RIMS2: variants seen among roughly 807,000 people sequenced by gnomAD.
RIMS2 encodes the protein regulating synaptic membrane exocytosis protein 2.
A neutral mutation model predicts 174.4 loss-of-function variants in RIMS2; 59 were observed. That is an observed-to-expected ratio of 0.34 (90% CI 0.27 to 0.42). The LOEUF (loss-of-function observed/expected upper bound fraction) is 0.42. Ranked by LOEUF, RIMS2 falls within the 10% of genes least tolerant of loss-of-function variation. The pLI is 1.00. For synonymous variants in RIMS2, 606 were observed against 572.5 expected (o/e 1.06, Z -0.84); for missense variants, 1,620 against 1,666.3 (o/e 0.97, Z 0.48).
chr8:103,551,281 A>G (rs1256892588), intron 1 of RIMS2, among the ~76,000 whole-genome samples: 2 of 152,244 alleles, frequency 1.3e-5, no homozygotes, highest in Non-Finnish European at 2.9e-5. Flanking sequence ...CCTGTGATGC[A>G]AGGCTGGTTC....
At position 103,691,996 on chromosome 8, in the gene RIMS2, A is replaced by G. The variant is rs542223770; in HGVS notation, c.177-5090A>G. ...GGTAAAATCTGGAAGAATTCTCTGG[A>G]TTGCTAGGCAGAGACTCTTGTTCTC... On this transcript the variant is annotated intron_variant, in intron 1 of 23. Transcript: ENST00000504942. Among the ~76,000 whole-genome samples, 4 of 152,252 alleles carry G rather than the reference A, an allele frequency of 2.6e-5. No homozygotes were observed. The East Asian group carries it at 7.7e-4, about 29-fold the overall frequency.
At chr8:103,697,438 ATGG>A in intron 2 of RIMS2, 142 bp downstream of exon 4, 1 of 709,646 alleles carries the variant, frequency 1.4e-6, no homozygotes, top group African/African-American at 1.8e-5. Context: ...GCCAGACACG[ATGG>A]CTCACGCCTG....
chr8:103,988,530 G>A (rs1394771286), intron 16 of RIMS2, among the ~76,000 whole-genome samples: 3 of 152,164 alleles, frequency 2.0e-5, no homozygotes, highest in Admixed American at 1.3e-4. Context: ...TGGGATCTCT[G>A]CTCACTGCAG....
intron 3 of RIMS2, among the ~76,000 whole-genome samples, chr8:103,818,197 G>T (rs866592610): frequency 1.3e-5 from 2 of 152,084 alleles, no homozygotes; most frequent in African/African-American, 2.4e-5. Flanking sequence ...GTATTTAAAT[G>T]TCTATTTACT....
chr8:103,940,466 G>A (rs1287582199), intron 13 of RIMS2, among the ~76,000 whole-genome samples: 1 of 152,028 alleles, frequency 6.6e-6, no homozygotes, highest in Non-Finnish European at 1.5e-5. Flanking sequence ...TTCAAGATGA[G>A]ATTTGGGTGG....
At chr8:103,751,539 T>C (rs1193505997) in intron 2 of RIMS2, among the ~76,000 whole-genome samples, 3 of 151,446 alleles carry the variant, frequency 2.0e-5, no homozygotes, top group Non-Finnish European at 4.4e-5. Flanking sequence ...TCTACAATGG[T>C]TGAACTAGTT....
At chr8:103,781,597 G>T (rs907221490) in intron 3 of RIMS2, among the ~76,000 whole-genome samples, 2 of 151,942 alleles carry the variant, frequency 1.3e-5, no homozygotes, top group Non-Finnish European at 2.9e-5. Context: ...TCAAAATCTT[G>T]TTTCCATAAT....
At chr8:103,656,574 C>T (rs2096534524) in intron 1 of RIMS2, among the ~76,000 whole-genome samples, 1 of 152,114 alleles carries the variant, frequency 6.6e-6, no homozygotes, top group South Asian at 2.1e-4. Flanking sequence ...AAAAACAGTT[C>T]TGTGGGGACT....
chr8:103,605,314 G>T (rs564747603), intron 1 of RIMS2, among the ~76,000 whole-genome samples: 2 of 142,842 alleles, frequency 1.4e-5, no homozygotes, highest in Admixed American at 7.0e-5. Flanking sequence ...ATTGATTTGC[G>T]TATATTGAAC....
intron 1 of RIMS2, among the ~76,000 whole-genome samples, chr8:103,671,952 G>A (rs889277259): frequency 2.0e-5 from 3 of 152,162 alleles, no homozygotes; most frequent in African/African-American, 7.2e-5. Context: ...TCCCTCTGTA[G>A]CATTCCAAAG....
chr8:103,594,948 T>C (rs1196986937), intron 1 of RIMS2, among the ~76,000 whole-genome samples: 5 of 151,830 alleles, frequency 3.3e-5, no homozygotes, highest in African/African-American at 1.2e-4. Context: ...TGATTATTCA[T>C]TCTGAGGTAA....
In RIMS2 at chr8:104,194,312, T is replaced by A. The variant is rs10101596; in HGVS notation, c.3335-50604T>A. Among the ~76,000 whole-genome samples, 1,512 of 152,290 alleles carry A rather than the reference T, an allele frequency of 9.9e-3. 21 individuals are homozygous for A. Among genetic ancestry groups the A allele is most frequent in the African/African-American group, 0.033 (1,363 of 41,554 alleles). ...CCAAAATTATGAGCAATTAAGGTTT[T>A]TGATATTACAAATATTATTGGGCAT... On this transcript the variant is annotated intron_variant, in intron 19 of 23. Transcript: ENST00000504942.
chr8:104,122,587 A>G (rs942302204), intron 19 of RIMS2, among the ~76,000 whole-genome samples: 1 of 152,200 alleles, frequency 6.6e-6, no homozygotes, highest in African/African-American at 2.4e-5. Context: ...GTGGATGAAG[A>G]GTAAAAGATT....
chr8:103,700,176 T>C (rs527469201), intron 2 of RIMS2, among the ~76,000 whole-genome samples: 19 of 152,270 alleles, frequency 1.2e-4, no homozygotes, highest in South Asian at 8.3e-4. Context: ...TTGAAATATA[T>C]AATAATATGT....
intron 3 of RIMS2, among the ~76,000 whole-genome samples, chr8:103,834,692 CTTTCTTTCTTTCTTTCTTTCTTTCT>C (rs1330540171): frequency 1.6e-5 from 1 of 63,140 alleles, no homozygotes; most frequent in East Asian, 1.8e-3. Flanking sequence ...TTCTTTCTTT[CTTTCTTTCTTTCTTTCTTTCTTTCT>C]TTCTTTCTTT....
chr8:103,659,853 T>C (rs2136049444), intron 1 of RIMS2, among the ~76,000 whole-genome samples: 2 of 152,312 alleles, frequency 1.3e-5, no homozygotes, highest in Middle Eastern at 3.4e-3. Flanking sequence ...AATCAACAAG[T>C]TGTAATGCAG....
At chr8:103,884,842 G>A (rs1460865553) in intron 3 of RIMS2, among the ~76,000 whole-genome samples, 1 of 151,784 alleles carries the variant, frequency 6.6e-6, no homozygotes, top group African/African-American at 2.4e-5. Flanking sequence ...CTTAATTTTA[G>A]TCAGAAAGTA....
chr8:104,176,091 G>A (rs1025648741), intron 19 of RIMS2, among the ~76,000 whole-genome samples: 2 of 151,926 alleles, frequency 1.3e-5, no homozygotes, highest in African/African-American at 2.4e-5. Flanking sequence ...TAACAATCTC[G>A]AGTTCCTCAC....
At chr8:104,160,832 A>G (rs2098756541) in intron 19 of RIMS2, among the ~76,000 whole-genome samples, 1 of 152,208 alleles carries the variant, frequency 6.6e-6, no homozygotes, top group Non-Finnish European at 1.5e-5. Context: ...GGATCTTAAA[A>G]TCTACTAGAG....
Sources: allele counts gnomAD v4.1 joint callset (sites outside exome capture counted in the v4.1 genomes callset), GRCh38; gene constraint gnomAD v4.1.1; transcripts MANE v1.5; gene names NCBI Gene and HGNC (gene_info 2026-07-23, HGNC 2026-07-21).